The following GABRA3 variants were observed in gnomAD, a reference collection of about 807,000 sequenced individuals.
GABRA3 encodes gamma-aminobutyric acid receptor subunit alpha-3.
A neutral mutation model predicts 30.1 loss-of-function variants in GABRA3; 10 were observed. That is an observed-to-expected ratio of 0.33 (90% CI 0.20 to 0.56). The LOEUF is 0.56. Among genes scored for constraint, GABRA3 ranks in the 20% least tolerant of loss-of-function variants. The pLI is 0.89. For synonymous variants in GABRA3, 151 were observed against 146.8 expected (o/e 1.03, Z -0.21); for missense variants, 233 against 392.0 (o/e 0.59, Z 3.42).
intron 4 of GABRA3, among the ~76,000 whole-genome samples, chrX:152,273,344 G>T (rs1938982078): frequency 8.9e-6 from 1 of 112,278 alleles, no homozygotes; most frequent in Non-Finnish European, 1.9e-5. Context: ...TGGTGGAAAT[G>T]TAAATTAGTA....
At chrX:152,319,391 T>A (rs1015425221) in intron 3 of GABRA3, among the ~76,000 whole-genome samples, 1 of 111,725 alleles carries the variant, frequency 9.0e-6, no homozygotes, top group African/African-American at 3.3e-5. Context: ...CGGAGACCAA[T>A]GGGACAAAAT....
chrX:152,241,879 C>T (rs1018152457), intron 5 of GABRA3, among the ~76,000 whole-genome samples: 11 of 111,715 alleles, frequency 9.8e-5, no homozygotes, highest in African/African-American at 3.3e-4. Flanking sequence ...ACGGTGCGCG[C>T]ACCCACTGGC....
chrX:152,326,526 C>G (rs191235579), intron 3 of GABRA3, among the ~76,000 whole-genome samples: 5 of 111,701 alleles, frequency 4.5e-5, no homozygotes, highest in African/African-American at 1.3e-4. Flanking sequence ...CTCTACGAGC[C>G]AGAAGAGAGT....
At chrX:152,343,585 C>G (rs1397512053) in intron 3 of GABRA3, among the ~76,000 whole-genome samples, 1 of 110,625 alleles carries the variant, frequency 9.0e-6, no homozygotes, top group Admixed American at 9.7e-5. Context: ...ACCCCATAAT[C>G]TAAGCAGTCA....
At chrX:152,252,165 C>T (rs925752940) in intron 5 of GABRA3, among the ~76,000 whole-genome samples, 3 of 111,103 alleles carry the variant, frequency 2.7e-5, no homozygotes, top group African/African-American at 9.8e-5. Context: ...AAACAAGCTT[C>T]TCGAAGGTAT....
rs186142113 is a variant in GABRA3, at chrX:152,354,409, A to C, written c.141-8707T>G. On this transcript the variant is annotated intron_variant, in intron 2 of 9. Coordinates refer to ENST00000370314, the MANE Select transcript of GABRA3 (RefSeq NM_000808.4). ...TTGGTATATAGGACTCTATGAATAT[A>C]AAGTTTAAACTAACATAATGGAATA... 4.5e-5 allele frequency among the ~76,000 whole-genome samples: 5 copies of C among 112,030 alleles called. No individual in the cohort carries two copies. In the Admixed American group the frequency reaches 4.8e-4, roughly 11 times the overall value.
intron 4 of GABRA3, among the ~76,000 whole-genome samples, chrX:152,262,199 C>G (rs1286636736): frequency 8.9e-6 from 1 of 112,441 alleles, no homozygotes; most frequent in Non-Finnish European, 1.9e-5. Flanking sequence ...ATTTTTTCCT[C>G]CTAGGCCTCT....
At chrX:152,448,423 G>C (rs1456572040) in intron 1 of GABRA3, among the ~76,000 whole-genome samples, 2 of 111,899 alleles carry the variant, frequency 1.8e-5, no homozygotes, top group African/African-American at 3.3e-5. Flanking sequence ...AAGACCCTCA[G>C]AGACACAGTC....
chrX:152,418,119 C>T (rs1452632305), intron 1 of GABRA3, among the ~76,000 whole-genome samples: 5 of 110,930 alleles, frequency 4.5e-5, no homozygotes, highest in Admixed American at 9.6e-5. Flanking sequence ...ATAACTGTAA[C>T]TAATAGTACC....
chrX:152,368,286 A>T (rs774395236), intron 1 of GABRA3, among the ~76,000 whole-genome samples: 2 of 110,876 alleles, frequency 1.8e-5, no homozygotes, highest in Non-Finnish European at 3.8e-5. Context: ...ACATCTACCC[A>T]CCCCAGACCA....
At position 152,328,219 on chromosome X, in the gene GABRA3, C is replaced by T. The variant is rs192834896; in HGVS notation, c.262+17362G>A. Among the ~76,000 whole-genome samples the T allele has an allele frequency of 5.8e-4, 65 of 111,185 alleles. No homozygotes were observed. In the East Asian group the frequency reaches 0.013, roughly 23 times the overall value. ...GAGGCAATAATTAATAGCCTACCAACGAAAAAAAGTCCAGGACCAGACGGA... is the reference window on the plus strand; with the variant it reads ...GAGGCAATAATTAATAGCCTACCAATGAAAAAAAGTCCAGGACCAGACGGA... On this transcript the variant is annotated intron_variant, in intron 3 of 9. Transcript: ENST00000370314.
chrX:152,198,341 C>T (rs1937415513), intron 7 of GABRA3, among the ~76,000 whole-genome samples: 1 of 112,022 alleles, frequency 8.9e-6, no homozygotes, highest in African/African-American at 3.2e-5. Context: ...TTGGTTAGAC[C>T]CAAAAGTTCA....
chrX:152,238,432 A>G (rs1181581655), intron 5 of GABRA3, among the ~76,000 whole-genome samples: 2 of 106,922 alleles, frequency 1.9e-5, no homozygotes, highest in Non-Finnish European at 3.9e-5. Flanking sequence ...ATTGTTCATC[A>G]AGGATATTGG....
At chrX:152,419,863 T>G (rs1930330080) in intron 1 of GABRA3, among the ~76,000 whole-genome samples, 1 of 111,732 alleles carries the variant, frequency 8.9e-6, no homozygotes, top group Non-Finnish European at 1.9e-5. Flanking sequence ...TGCAAAAATT[T>G]TAAAACTCAC....
intron 3 of GABRA3, among the ~76,000 whole-genome samples, chrX:152,289,411 C>T (rs1407249079): frequency 9.1e-6 from 1 of 109,570 alleles, no homozygotes; most frequent in Non-Finnish European, 1.9e-5. Context: ...GTACCCCTGT[C>T]TGCTCTTCTT....
intron 4 of GABRA3, among the ~76,000 whole-genome samples, chrX:152,272,148 T>C (rs1938953547): frequency 1.8e-5 from 2 of 111,249 alleles, no homozygotes; most frequent in Non-Finnish European, 3.8e-5. Flanking sequence ...GACCCCAGAA[T>C]GGTAGATCCA....
chrX:152,199,870 C>A (rs1216669827), intron 7 of GABRA3, among the ~76,000 whole-genome samples: 6 of 110,442 alleles, frequency 5.4e-5, no homozygotes, highest in Non-Finnish European at 3.8e-5. Context: ...CACACAAAAT[C>A]AATCAATCAG....
chrX:152,435,742 G>C (rs1930763753), intron 1 of GABRA3, among the ~76,000 whole-genome samples: 1 of 109,843 alleles, frequency 9.1e-6, no homozygotes, highest in African/African-American at 3.3e-5. Context: ...TTAAAGTAAA[G>C]GAATAATAAT....
At chrX:152,180,366 C>G (rs760659786) in intron 9 of GABRA3, among the ~76,000 whole-genome samples, 27 of 112,051 alleles carry the variant, frequency 2.4e-4, no homozygotes, top group Admixed American at 1.1e-3. Flanking sequence ...AATGCCTATT[C>G]AAGTCCTTTG....
Sources: gnomAD v4.1 joint callset for allele counts (sites outside exome capture counted in the v4.1 genomes callset) on GRCh38, gnomAD v4.1.1 for gene constraint, MANE v1.5 for transcripts, NCBI Gene and HGNC (gene_info 2026-07-23, HGNC 2026-07-21) for gene names.